The following NXPH1 variants were observed in gnomAD, a reference collection of about 807,000 sequenced individuals.
The protein encoded by NXPH1 is neurexophilin 1.
NXPH1 carries 5 observed loss-of-function variants against 23.7 expected under a neutral mutation model. The ratio of observed to expected loss-of-function variants is 0.21; its 90% CI spans 0.11 to 0.44. The LOEUF (loss-of-function observed/expected upper bound fraction) is 0.44. Ranked by LOEUF, NXPH1 falls within the 20% of genes least tolerant of loss-of-function variation. The pLI is 0.99. For missense variants in NXPH1, 324 were observed against 321.6 expected, an observed-to-expected ratio of 1.01 and a Z score of -0.06; for synonymous variants, 144 against 122.2, an observed-to-expected ratio of 1.18 and a Z score of -1.18.
At chr7:8,593,837 C>T (rs1271083363) in intron 2 of NXPH1, among the ~76,000 whole-genome samples, 2 of 152,004 alleles carry the variant, frequency 1.3e-5, no homozygotes, top group African/African-American at 4.8e-5. Context: ...AGACATTTTC[C>T]ATAGATTGGA....
chr7:8,594,887 C>G (rs142334634), intron 2 of NXPH1, among the ~76,000 whole-genome samples: 39 of 152,072 alleles, frequency 2.6e-4, no homozygotes, highest in African/African-American at 9.4e-4. Flanking sequence ...AATAAACTTC[C>G]TGAATTTGCT....
At chr7:8,579,831 C>T (rs1394818693) in intron 2 of NXPH1, among the ~76,000 whole-genome samples, 1 of 152,146 alleles carries the variant, frequency 6.6e-6, no homozygotes, top group Admixed American at 6.5e-5. Flanking sequence ...AAGGATGGTC[C>T]AGCTATAGCC....
At chr7:8,678,424 G>C (rs61669321) in intron 2 of NXPH1, among the ~76,000 whole-genome samples, 8,948 of 152,092 alleles carry the variant, frequency 0.059, 883 homozygotes, top group African/African-American at 0.2. Flanking sequence ...AACATCTCTT[G>C]GGGTCTGTGG....
At chr7:8,604,952 C>A (rs145885684) in intron 2 of NXPH1, among the ~76,000 whole-genome samples, 2 of 152,030 alleles carry the variant, frequency 1.3e-5, no homozygotes, top group East Asian at 3.8e-4. Flanking sequence ...AACATGCTTG[C>A]CATTTTTTCT....
intron 2 of NXPH1, among the ~76,000 whole-genome samples, chr7:8,454,157 G>A (rs1217834292): frequency 6.6e-6 from 1 of 152,032 alleles, no homozygotes; most frequent in African/African-American, 2.4e-5. Context: ...TAATACCTGG[G>A]TGATGAAATA....
chr7:8,538,510 A>G (rs555558600), intron 2 of NXPH1, among the ~76,000 whole-genome samples: 1 of 152,058 alleles, frequency 6.6e-6, no homozygotes, highest in Admixed American at 6.6e-5. Flanking sequence ...AAATGAGGAT[A>G]AAGATAATGG....
chr7:8,458,772 AAGAG>A (rs1816641831), intron 2 of NXPH1, among the ~76,000 whole-genome samples: 2 of 152,188 alleles, frequency 1.3e-5, no homozygotes, highest in Admixed American at 1.3e-4. Flanking sequence ...TAGAGGGAGA[AAGAG>A]AGAAAAGTAG....
chr7:8,437,759 G>A (rs1816221495), intron 2 of NXPH1, among the ~76,000 whole-genome samples: 1 of 152,204 alleles, frequency 6.6e-6, no homozygotes, highest in Admixed American at 6.5e-5. Flanking sequence ...TAAACTGGGA[G>A]CATTTGAAAA....
Position 8,442,582 on chromosome 7 carries a change from A to G in NXPH1, c.54+6815A>G, listed in dbSNP as rs570924223. ...AAGGCCATTTTCCTTCGTCTTCTAC[A>G]AGAAGCAAGAAACTTTTTTCGACGT... On this transcript the variant is annotated intron_variant, in intron 2 of 2. Coordinates refer to ENST00000405863, the MANE Select transcript of NXPH1 (RefSeq NM_152745.3). This position sits in a 1 kb window ranked among gnomAD's most constrained non-coding sequence, Gnocchi z 4.6. Among the ~76,000 whole-genome samples the G allele has an allele frequency of 1.8e-3, 271 of 152,360 alleles. No homozygotes were observed. Among genetic ancestry groups the G allele is most frequent in the African/African-American group, 5.7e-3 (235 of 41,590 alleles).
intron 2 of NXPH1, among the ~76,000 whole-genome samples, chr7:8,671,054 C>G (rs1054622690): frequency 6.6e-6 from 1 of 152,142 alleles, no homozygotes; most frequent in East Asian, 1.9e-4. Context: ...TTAAGACAGG[C>G]ACTCCACAGA....
At chr7:8,672,469 A>G (rs945438267) in intron 2 of NXPH1, among the ~76,000 whole-genome samples, 8 of 151,748 alleles carry the variant, frequency 5.3e-5, no homozygotes, top group Admixed American at 4.6e-4. Flanking sequence ...TTAAAGTATA[A>G]TAATAAAAAA....
intron 2 of NXPH1, among the ~76,000 whole-genome samples, chr7:8,581,958 T>C (rs1818883849): frequency 6.6e-6 from 1 of 152,104 alleles, no homozygotes; most frequent in African/African-American, 2.4e-5. Flanking sequence ...ATCCTATACC[T>C]GCCAAGGGCG....
intron 2 of NXPH1, among the ~76,000 whole-genome samples, chr7:8,630,425 A>G (rs934464064): frequency 6.6e-6 from 1 of 152,136 alleles, no homozygotes; most frequent in Non-Finnish European, 1.5e-5. Context: ...GGAGCTCCCA[A>G]GTTGCAATAC....
At chr7:8,642,924 G>A (rs1229140716) in intron 2 of NXPH1, among the ~76,000 whole-genome samples, 2 of 151,810 alleles carry the variant, frequency 1.3e-5, no homozygotes, top group African/African-American at 4.8e-5. Context: ...GAGTACAGTG[G>A]CCCAATCTCG....
chr7:8,620,977 TG>T (rs1301251339), intron 2 of NXPH1, among the ~76,000 whole-genome samples: 1 of 152,218 alleles, frequency 6.6e-6, no homozygotes, highest in African/African-American at 2.4e-5. Context: ...AAGGTGTTTT[TG>T]TCATAGTCAG....
At chr7:8,585,087 T>G (rs1394856316) in intron 2 of NXPH1, among the ~76,000 whole-genome samples, 2 of 152,242 alleles carry the variant, frequency 1.3e-5, no homozygotes, top group Admixed American at 1.3e-4. Context: ...ACCTAATATT[T>G]TTACTGCTCT....
At chr7:8,577,942 C>A (rs2128623149) in intron 2 of NXPH1, among the ~76,000 whole-genome samples, 1 of 152,308 alleles carries the variant, frequency 6.6e-6, no homozygotes, top group African/African-American at 2.4e-5. Flanking sequence ...GATCATCCAG[C>A]CCTATGCAAG....
intron 2 of NXPH1, among the ~76,000 whole-genome samples, chr7:8,558,178 TTATTATC>T (rs1292788515): frequency 6.6e-6 from 1 of 151,776 alleles, no homozygotes; most frequent in East Asian, 2.0e-4. Flanking sequence ...ATGGGTTTCT[TTATTATC>T]TATCAGCTTT....
chr7:8,741,132 G>A (rs1157294908), intron 2 of NXPH1, among the ~76,000 whole-genome samples: 1 of 152,112 alleles, frequency 6.6e-6, no homozygotes, highest in Non-Finnish European at 1.5e-5. Flanking sequence ...ACATACAAGT[G>A]AGATCATGCA....
Sources: allele counts gnomAD v4.1 joint callset (sites outside exome capture counted in the v4.1 genomes callset), GRCh38; gene constraint gnomAD v4.1.1; non-coding constraint Gnocchi (gnomAD v3.1); transcripts MANE v1.5; gene names NCBI Gene and HGNC (gene_info 2026-07-23, HGNC 2026-07-21).